Variants in PXN observed in about 807,000 individuals in gnomAD.
The protein encoded by PXN is testicular tissue protein Li 134.
Under a neutral mutation model 103.6 loss-of-function variants are expected in PXN, and 61 were observed. The ratio of observed to expected loss-of-function variants is 0.59; its 90% CI spans 0.48 to 0.73. The LOEUF is 0.73. Ranked by LOEUF, PXN falls within the 30% of genes least tolerant of loss-of-function variation. The pLI, the probability that PXN is intolerant of heterozygous loss-of-function variation, is 0.00. For missense variants in PXN, 1,274 were observed against 1,460.3 expected (o/e 0.87, Z 2.08); for synonymous variants, 562 against 607.8 (o/e 0.92, Z 1.11).
intron 1 of PXN, among the ~76,000 whole-genome samples, chr12:120,241,997 G>A (rs896041506): frequency 6.6e-6 from 1 of 152,148 alleles, no homozygotes; most frequent in African/African-American, 2.4e-5. Flanking sequence ...AGTGCAGGAT[G>A]CCTCCCATGT....
At chr12:120,227,616 C>T (rs1887153323) in intron 1 of PXN, among the ~76,000 whole-genome samples, 1 of 152,226 alleles carries the variant, frequency 6.6e-6, no homozygotes, top group African/African-American at 2.4e-5. Context: ...GCAAGTCCAT[C>T]CACCAGCCAC....
At chr12:120,241,719 G>A (rs1890177575) in intron 1 of PXN, among the ~76,000 whole-genome samples, 1 of 152,224 alleles carries the variant, frequency 6.6e-6, no homozygotes, top group African/African-American at 2.4e-5. Flanking sequence ...GGGGATGGGA[G>A]CTCAGAGTGC....
At chr12:120,250,846 T>A (rs1433541372) in intron 1 of PXN, among the ~76,000 whole-genome samples, 1 of 136,120 alleles carries the variant, frequency 7.3e-6, no homozygotes, top group Non-Finnish European at 1.5e-5. Flanking sequence ...CAGGGCCAAT[T>A]GCACTAAGTG....
chr12:120,264,486 G>A (rs567662862), intron 1 of PXN, among the ~76,000 whole-genome samples: 1 of 152,258 alleles, frequency 6.6e-6, no homozygotes, highest in Non-Finnish European at 1.5e-5. Flanking sequence ...CCACTCCTGC[G>A]TTCACGCCAC....
At chr12:120,223,880 G>C in intron 2 of PXN, 47 bp from the exon 3 acceptor site, 1 of 1,414,838 alleles carries the variant, frequency 7.1e-7, no homozygotes, top group South Asian at 1.2e-5. Flanking sequence ...GGAGAAAAAG[G>C]AACAGGGGCC....
intron 1 of PXN, among the ~76,000 whole-genome samples, chr12:120,254,078 C>T (rs555015320): frequency 3.3e-5 from 5 of 152,196 alleles, no homozygotes; most frequent in Admixed American, 6.6e-5. Context: ...AGGGTTTCGC[C>T]ATGTTGGCCA....
chr12:120,250,277 A>C, intron 1 of PXN: 2 of 809,462 alleles, frequency 2.5e-6, no homozygotes, highest in Non-Finnish European at 3.0e-6. Context: ...TCTCTGAGCC[A>C]CTTCAAACCT....
Position 120,219,083 on chromosome 12 carries a change from G to T in PXN, c.1716+124C>A. ...GCTGACTGTCAGGTCCGGCCACAGT[G>T]TCTCAGCATTTTCTGCCCAAGCAGA... On this transcript the variant is annotated intron_variant, in intron 7 of 14. Transcript: ENST00000637617. This position sits in a 1 kb window ranked among gnomAD's most constrained non-coding sequence, Gnocchi z 6.5. 3 of 1,095,658 alleles carry T rather than the reference G, an allele frequency of 2.7e-6. No homozygotes were observed. Among genetic ancestry groups the T allele is most frequent in the East Asian group, 5.2e-5 (2 of 38,134 alleles). 67.9% of individuals were successfully genotyped at this position (1,095,658 alleles called of 1,614,324 possible). A position where few individuals can be genotyped will look rare whatever the true frequency, so the allele number is the denominator to read the frequency against.
rs1883323797 is a variant in PXN at position 120,217,010 on chromosome 12, G to A, written c.1823C>T (p.Pro608Leu). Residue 608 changes from proline to leucine, a missense_variant, in exon 8 of 15, where the codon CCA becomes CTA. Physicochemically the swap from Pro to Leu is moderately conservative, Grantham distance 98 (BLOSUM62 -3). This residue lies in a region of PXN where 1,178 missense variants were observed against 1,309.0 expected (regional missense o/e 0.90). Coordinates refer to ENST00000637617, the MANE Select transcript of PXN (RefSeq NM_001385981.1). This position sits in a 1 kb window ranked among gnomAD's most constrained non-coding sequence, Gnocchi z 4.1. ...CTCCGCGATGAGCTGTTCCTGGGAT[G>A]GGGTCCTGCTCAAGGTGGCAGGGTC... ...RLDPATLSRT[P>L]SQEQLIAELQ... The A allele has an allele frequency of 1.9e-6, 3 of 1,574,692 alleles. No homozygotes were observed. Among genetic ancestry groups the A allele is most frequent in the African/African-American group, 1.3e-5 (1 of 74,524 alleles).
chr12:120,255,877 C>A (rs933352749), intron 1 of PXN, among the ~76,000 whole-genome samples: 20 of 149,326 alleles, frequency 1.3e-4, no homozygotes, highest in Admixed American at 1.1e-3. Flanking sequence ...AAACGAAACC[C>A]CATCTCTACC....
intron 1 of PXN, among the ~76,000 whole-genome samples, chr12:120,227,938 G>A (rs541153383): frequency 6.6e-6 from 1 of 152,312 alleles, no homozygotes; most frequent in Admixed American, 6.5e-5. Context: ...ACTGCACACA[G>A]GAAGGAGTCC....
chr12:120,246,990 T>C (rs772382125), intron 1 of PXN, among the ~76,000 whole-genome samples: 13 of 152,020 alleles, frequency 8.6e-5, no homozygotes, highest in African/African-American at 3.1e-4. Flanking sequence ...ACTGTACCAC[T>C]GCACTTCAGC....
intron 1 of PXN, chr12:120,250,254 G>A (rs937227170): frequency 2.5e-5 from 23 of 937,060 alleles, no homozygotes; most frequent in South Asian, 4.9e-5. Flanking sequence ...AGGGGGCAAA[G>A]CTCGGCCAGG....
chr12:120,251,186 C>T (rs1290850309), intron 1 of PXN, among the ~76,000 whole-genome samples: 2 of 150,258 alleles, frequency 1.3e-5, no homozygotes, highest in Admixed American at 6.7e-5. Context: ...GCCTGGGCAA[C>T]GGAACGAGAC....
In PXN at chr12:120,213,789, C is replaced by T. The variant is rs943405499; in HGVS notation, c.2979+53G>A. The T allele has an allele frequency of 2.6e-5, 41 of 1,571,390 alleles. No individual in the cohort carries two copies. In the Middle Eastern group the frequency reaches 5.3e-4, roughly 20 times the overall value. On this transcript the variant is annotated intron_variant, in intron 14 of 14. Coordinates refer to ENST00000637617, the MANE Select transcript of PXN (RefSeq NM_001385981.1). This position sits in a 1 kb window ranked among gnomAD's most constrained non-coding sequence, Gnocchi z 4.2. ...AGACAGCACAATGAGGAAGACCCCT[C>T]TCTCCCCACTGCCTGCTCCTCGCCC...
In PXN at chr12:120,215,261, C is replaced by T. The variant is rs1882342794; in HGVS notation, c.2416G>A (p.Gly806Arg). 2 of 1,586,884 alleles carry T rather than the reference C, an allele frequency of 1.3e-6. No homozygotes were observed. The highest frequency in any genetic ancestry group is 8.6e-7 in the Non-Finnish European group (1 of 1,167,810). ...GQDEGGFMAQGKTGSSSPPGG... is the reference protein window; with the variant it reads ...GQDEGGFMAQRKTGSSSPPGG... Reference sequence around the variant, plus strand: ...GGGGGTGAGCTGCTCCCTGTCTTCCCCTGGGCCATGAACTGTGGACACGGA... The same window carrying T: ...GGGGGTGAGCTGCTCCCTGTCTTCCTCTGGGCCATGAACTGTGGACACGGA... Residue 806 changes from glycine (G) to arginine (R), a missense_variant, in exon 11 of 15, where the codon GGG becomes AGG. Around this residue, in one of 2 missense-constraint regions of PXN, gnomAD observed 1,178 missense variants for 1,309.0 expected, o/e 0.90. Coordinates refer to ENST00000637617, the MANE Select transcript of PXN (RefSeq NM_001385981.1). The surrounding 1 kb of genome is among the most constrained non-coding windows in gnomAD (Gnocchi z 4.9).
chr12:120,223,096 G>T, intron 3 of PXN, 97 bp from the exon 4 acceptor site: 1 of 1,587,090 alleles, frequency 6.3e-7, no homozygotes, highest in Non-Finnish European at 8.6e-7. Context: ...AGGCAGAGGA[G>T]ATGCGAAGTC....
At chr12:120,237,127 G>A (rs540991753) in intron 1 of PXN, among the ~76,000 whole-genome samples, 4 of 100,028 alleles carry the variant, frequency 4.0e-5, no homozygotes, top group Non-Finnish European at 5.5e-5. Flanking sequence ...ATGTATGTAC[G>A]TGTGTGTGTG....
rs1894607654 is a variant in PXN, at chr12:120,265,703, T to C, written c.-74A>G. On this transcript the variant is annotated 5_prime_UTR_variant, in exon 1 of 15. Transcript: ENST00000637617. This position sits in a 1 kb window ranked among gnomAD's most constrained non-coding sequence, Gnocchi z 5.7. The stretch of plus-strand genomic sequence containing the variant: ...GGGCCGCTCGTCTATGCCCCGCAAC[T>C]TTTCCGCCGCGAGCCTCGGCCCGGA... The C allele has an allele frequency of 1.0e-5, 13 of 1,268,808 alleles. No homozygotes were observed. The highest frequency in any genetic ancestry group is 1.1e-5 in the Non-Finnish European group (11 of 1,000,254). The allele number at this position is 1,268,808 out of a possible 1,614,324, so 78.6% of individuals were successfully genotyped here.
Sources: gnomAD v4.1 joint callset for allele counts (sites outside exome capture counted in the v4.1 genomes callset) on GRCh38, gnomAD v4.1.1 for gene constraint, gnomAD v4.1.1 regional missense constraint, Gnocchi (gnomAD v3.1) non-coding constraint, MANE v1.5 for transcripts, NCBI Gene and HGNC (gene_info 2026-07-23, HGNC 2026-07-21) for gene names.